The following KHDRBS3 variants were observed in gnomAD, a reference collection of about 807,000 sequenced individuals.
KHDRBS3 encodes the protein KH domain-containing, RNA-binding, signal transduction-associated protein 3.
A neutral mutation model predicts 45.6 loss-of-function variants in KHDRBS3; 23 were observed. That is an observed-to-expected ratio of 0.50 (90% confidence interval 0.36 to 0.72). The LOEUF is 0.72. Ranked by LOEUF, KHDRBS3 falls within the 30% of genes least tolerant of loss-of-function variation. KHDRBS3 has a pLI of 0.00. For synonymous variants in KHDRBS3, 162 were observed against 156.5 expected (o/e 1.04, Z -0.26); for missense variants, 352 against 424.8 (o/e 0.83, Z 1.51).
chr8:135,606,741 G>A (rs928085916), intron 6 of KHDRBS3, among the ~76,000 whole-genome samples: 2 of 152,150 alleles, frequency 1.3e-5, no homozygotes, highest in Non-Finnish European at 2.9e-5. Context: ...TCTGAAAATG[G>A]TGATTCTGAC....
At chr8:135,560,500 T>G (rs1200122096) in intron 5 of KHDRBS3, among the ~76,000 whole-genome samples, 3 of 152,162 alleles carry the variant, frequency 2.0e-5, no homozygotes, top group Non-Finnish European at 2.9e-5. Flanking sequence ...TGCTGTTGTT[T>G]AGGGGATACT....
intron 3 of KHDRBS3, among the ~76,000 whole-genome samples, chr8:135,545,177 G>T (rs898764896): frequency 3.9e-5 from 6 of 152,200 alleles, no homozygotes; most frequent in African/African-American, 1.2e-4. Context: ...CATAGTTACT[G>T]TACGCAAGCA....
intron 5 of KHDRBS3, among the ~76,000 whole-genome samples, chr8:135,579,810 G>A (rs910791472): frequency 6.6e-6 from 1 of 152,188 alleles, no homozygotes; most frequent in African/African-American, 2.4e-5. Context: ...TATGTACCTG[G>A]AATAAATCCT....
Position 135,560,341 on chromosome 8 carries a change from A to G in KHDRBS3, c.611+2754A>G, listed in dbSNP as rs960094990. On this transcript the variant is annotated intron_variant, in intron 5 of 8. Coordinates refer to ENST00000355849, the MANE Select transcript of KHDRBS3 (RefSeq NM_006558.3). The stretch of plus-strand genomic sequence containing the variant: ...ATGTTACAACATTTATTTTATATAT[A>G]TACTTATCTTTATATATATGTGTAT... Among the ~76,000 whole-genome samples, 3 of 152,104 alleles carry G rather than the reference A, an allele frequency of 2.0e-5. No homozygotes were observed. In the East Asian group the frequency reaches 5.8e-4, roughly 29 times the overall value.
chr8:135,641,981 A>T (rs1831077040), intron 7 of KHDRBS3, among the ~76,000 whole-genome samples: 1 of 152,186 alleles, frequency 6.6e-6, no homozygotes, highest in Non-Finnish European at 1.5e-5. Flanking sequence ...TTCTCACCAT[A>T]ACTGTATATT....
chr8:135,585,242 A>G (rs999306590), intron 6 of KHDRBS3, among the ~76,000 whole-genome samples: 8 of 151,698 alleles, frequency 5.3e-5, no homozygotes, highest in Non-Finnish European at 1.0e-4. Flanking sequence ...AAAAAAAAAA[A>G]AAAAAGAAAA....
chr8:135,517,752 G>A (rs541503876), intron 1 of KHDRBS3, among the ~76,000 whole-genome samples: 61 of 152,236 alleles, frequency 4.0e-4, no homozygotes, highest in Admixed American at 1.6e-3. Context: ...TCTTTGCATT[G>A]TTGTGTGGTG....
At chr8:135,602,576 G>T (rs1005409671) in intron 6 of KHDRBS3, among the ~76,000 whole-genome samples, 1 of 150,194 alleles carries the variant, frequency 6.7e-6, no homozygotes, top group Admixed American at 6.6e-5. Context: ...TAATATTTTA[G>T]TTTTTTTTTT....
intron 8 of KHDRBS3, 46 bp downstream of exon 8, chr8:135,645,163 C>T (rs952451472): frequency 2.5e-6 from 4 of 1,581,348 alleles, no homozygotes; most frequent in African/African-American, 1.3e-5. Flanking sequence ...GAGAGATGGC[C>T]GTAGAAAGAC....
Position 135,523,084 on chromosome 8 carries a change from T to C in KHDRBS3, c.207+1729T>C, listed in dbSNP as rs542362358. On this transcript the variant is annotated intron_variant, in intron 2 of 8. Coordinates refer to ENST00000355849, the MANE Select transcript of KHDRBS3 (RefSeq NM_006558.3). ...AGGCTTTTACATAGTGAGACATGAGTTTAGGTAATGTAGTTCCTCCACCTT... is the reference window on the plus strand; with the variant it reads ...AGGCTTTTACATAGTGAGACATGAGCTTAGGTAATGTAGTTCCTCCACCTT... 5.3e-5 allele frequency among the ~76,000 whole-genome samples: 8 copies of C among 152,272 alleles called. No homozygotes were observed. In the South Asian group the frequency reaches 1.7e-3, roughly 32 times the overall value.
At chr8:135,501,134 C>T (rs1563725482) in intron 1 of KHDRBS3, among the ~76,000 whole-genome samples, 1 of 152,138 alleles carries the variant, frequency 6.6e-6, no homozygotes, top group Non-Finnish European at 1.5e-5. Flanking sequence ...ATGCTGGTTC[C>T]CATCTCCTCC....
intron 5 of KHDRBS3, among the ~76,000 whole-genome samples, chr8:135,577,224 T>A (rs914959101): frequency 2.0e-5 from 3 of 152,186 alleles, no homozygotes; most frequent in African/African-American, 7.2e-5. Flanking sequence ...TTGTTCACAT[T>A]CAGCATTGCA....
At chr8:135,580,351 A>G (rs765344358) in intron 5 of KHDRBS3, among the ~76,000 whole-genome samples, 6 of 152,200 alleles carry the variant, frequency 3.9e-5, no homozygotes, top group Non-Finnish European at 7.3e-5. Flanking sequence ...ATATTTGACA[A>G]AATTCATTGA....
intron 6 of KHDRBS3, among the ~76,000 whole-genome samples, chr8:135,586,186 A>C (rs1202231296): frequency 6.6e-6 from 1 of 152,150 alleles, no homozygotes; most frequent in Non-Finnish European, 1.5e-5. Context: ...TATGATCTCT[A>C]CTGTACAAAT....
At chr8:135,631,468 CT>C (rs1830601153) in intron 7 of KHDRBS3, among the ~76,000 whole-genome samples, 1 of 150,756 alleles carries the variant, frequency 6.6e-6, no homozygotes, top group African/African-American at 2.4e-5. Flanking sequence ...TTTTTTTTAA[CT>C]TTTTAAACGT....
chr8:135,622,173 T>C (rs573697734), intron 7 of KHDRBS3, among the ~76,000 whole-genome samples: 2 of 152,308 alleles, frequency 1.3e-5, no homozygotes, highest in South Asian at 4.1e-4. Context: ...TTTCAATCTA[T>C]TCACTGTCCC....
At chr8:135,513,680 T>A (rs566537077) in intron 1 of KHDRBS3, among the ~76,000 whole-genome samples, 2 of 152,334 alleles carry the variant, frequency 1.3e-5, no homozygotes, top group East Asian at 3.9e-4. Flanking sequence ...AAGTGGACCC[T>A]TTTGCCATTA....
chr8:135,651,020 G>T (rs1205157522), downstream of KHDRBS3, among the ~76,000 whole-genome samples: 1 of 152,184 alleles, frequency 6.6e-6, no homozygotes, highest in Admixed American at 6.5e-5. Flanking sequence ...AATGGGCAAA[G>T]ACCACGTCTG....
Position 135,521,318 on chromosome 8 carries a change from G to T in KHDRBS3, c.170G>T (p.Gly57Val). ...GTGATTAATAAGAACATGAAGCTGG[G>T]ACAGAAAGTGTTAATTCCCGTAAAA... ...DVVINKNMKL[G>V]QKVLIPVKQF... Residue 57 changes from glycine to valine, a missense_variant, in exon 2 of 9, where the codon GGA becomes GTA. This residue lies in a region of KHDRBS3 where 9 missense variants were observed against 36.5 expected (regional missense o/e 0.25). Transcript: ENST00000355849. 1 of 1,612,644 alleles carries T rather than the reference G, an allele frequency of 6.2e-7. No homozygotes were observed.
Sources: gnomAD v4.1 joint callset for allele counts (sites outside exome capture counted in the v4.1 genomes callset) on GRCh38, gnomAD v4.1.1 for gene constraint, gnomAD v4.1.1 regional missense constraint, MANE v1.5 for transcripts, NCBI Gene and HGNC (gene_info 2026-07-23, HGNC 2026-07-21) for gene names.